The following DNAJC6 variants were observed in gnomAD, a reference collection of about 807,000 sequenced individuals.
The protein encoded by DNAJC6 is auxilin.
DNAJC6 carries 34 observed loss-of-function variants against 110.0 expected under a neutral mutation model. The ratio of observed to expected loss-of-function variants is 0.31; its 90% CI spans 0.24 to 0.41. The LOEUF (loss-of-function observed/expected upper bound fraction) is 0.41, where lower values mean the gene tolerates loss of function less well. DNAJC6 is among the 10% of genes least tolerant of loss of function. DNAJC6 has a pLI of 1.00. For missense variants in DNAJC6, 1,031 were observed against 1,207.8 expected (o/e 0.85, Z 2.17); for synonymous variants, 406 against 437.2 (o/e 0.93, Z 0.89).
chr1:65,343,742 T>TAA (rs61021648), intron 1 of DNAJC6, among the ~76,000 whole-genome samples: 166 of 148,026 alleles, frequency 1.1e-3, no homozygotes, highest in African/African-American at 4.0e-3. Flanking sequence ...CCTGACTTAA[T>TAA]AAAAAAAAAG....
At chr1:65,310,074 A>C in intron 1 of DNAJC6, 136 bp downstream of exon 1, 1 of 1,012,100 alleles carries the variant, frequency 9.9e-7, no homozygotes, top group Non-Finnish European at 1.3e-6. Context: ...AAGGCTTCTA[A>C]TACCACCTGG....
At chr1:65,403,859 G>A (rs536428046) in intron 15 of DNAJC6, among the ~76,000 whole-genome samples, 8 of 152,278 alleles carry the variant, frequency 5.3e-5, no homozygotes, top group South Asian at 2.1e-4. Context: ...CGGGGTCAGC[G>A]TCTGCTTTTT....
At chr1:65,370,850 C>A (rs566540239) in intron 4 of DNAJC6, among the ~76,000 whole-genome samples, 35 of 152,132 alleles carry the variant, frequency 2.3e-4, no homozygotes, top group African/African-American at 7.9e-4. Flanking sequence ...CCTTTTTCTT[C>A]CTGAGCACAC....
At chr1:65,365,856 A>G (rs1416602224) in intron 2 of DNAJC6, 29 bp from the exon 3 acceptor site, 2 of 1,609,186 alleles carry the variant, frequency 1.2e-6, no homozygotes, top group East Asian at 4.5e-5. Context: ...GATCATTTTA[A>G]TGAGTGCCCA....
chr1:65,388,524 A>G (rs1230199769), intron 9 of DNAJC6, 109 bp downstream of exon 9: 1 of 958,624 alleles, frequency 1.0e-6, no homozygotes, highest in African/African-American at 1.6e-5. Context: ...CTGCTGAACT[A>G]CTGAGTGTCA....
upstream of DNAJC6, among the ~76,000 whole-genome samples, chr1:65,306,972 TTCTCTCTCTCTCTC>T (rs144458447): frequency 0.023 from 2,069 of 90,384 alleles, 60 homozygotes; most frequent in African/African-American, 0.058. Flanking sequence ...CTCAATCTGT[TTCTCTCTCTCTCTC>T]TCTCTCTCTC....
intron 1 of DNAJC6, among the ~76,000 whole-genome samples, chr1:65,339,918 T>C (rs1315064195): frequency 6.6e-6 from 1 of 152,226 alleles, no homozygotes; most frequent in Non-Finnish European, 1.5e-5. Flanking sequence ...ATACTTCGAC[T>C]CCTTGTCCAG....
Position 65,365,870 on chromosome 1 carries a change from T to C in DNAJC6, c.345-15T>C, listed in dbSNP as rs1278686295. On this transcript the variant is annotated splice_polypyrimidine_tract_variant and intron_variant, in intron 2 of 18. Coordinates refer to ENST00000371069, the MANE Select transcript of DNAJC6 (RefSeq NM_001256864.2). ...GGATCATTTTAATGAGTGCCCATTT[T>C]TGTCTTGCTTTTAGCTACACAAAGG... 1.2e-6 allele frequency: 2 copies of C among 1,610,800 alleles called. No homozygotes were observed. The highest frequency in any genetic ancestry group is 2.2e-5 in the South Asian group (2 of 90,570).
At chr1:65,344,659 A>C (rs866773629) in intron 1 of DNAJC6, among the ~76,000 whole-genome samples, 1 of 152,192 alleles carries the variant, frequency 6.6e-6, no homozygotes, top group African/African-American at 2.4e-5. Context: ...TCATGCCAAG[A>C]TTGAGGTCAT....
Position 65,389,615 on chromosome 1 carries a change from C to T in DNAJC6, c.1456C>T (p.Leu486Phe), listed in dbSNP as rs78141380. The change falls in exon 11 of 19, where the codon CTC (leucine) becomes TTC (phenylalanine). Residue 486 changes from leucine to phenylalanine, a missense_variant. By Grantham distance (22) the Leu-to-Phe change is conservative. Coordinates refer to ENST00000371069, the MANE Select transcript of DNAJC6 (RefSeq NM_001256864.2). ...HYGQSGFFAS[L>F]CWQDQKSEKS... ...CGGACAAAGTGGTTTCTTTGCCTCT[C>T]TCTGTTGGCAAGGTATTTACAAGTG... 3,288 of 1,614,060 alleles carry T rather than the reference C, an allele frequency of 2.0e-3. 50 individuals carry two copies. In the African/African-American group the frequency reaches 0.04, roughly 19 times the overall value.
At chr1:65,312,768 T>C (rs1645112766) in intron 1 of DNAJC6, among the ~76,000 whole-genome samples, 1 of 152,180 alleles carries the variant, frequency 6.6e-6, no homozygotes, top group Non-Finnish European at 1.5e-5. Context: ...GGATCAAACC[T>C]CTGCATTATT....
intron 7 of DNAJC6, 26 bp from the exon 8 acceptor site, chr1:65,386,786 A>G: frequency 1.3e-6 from 2 of 1,574,610 alleles, no homozygotes; most frequent in Non-Finnish European, 1.7e-6. Context: ...CTCTCTTTCA[A>G]TGTATATTTT....
chr1:65,319,265 G>A lies in DNAJC6; in HGVS notation c.193+9327G>A, dbSNP rs370399273. Among the ~76,000 whole-genome samples, 198 of 152,336 alleles carry A rather than the reference G, an allele frequency of 1.3e-3. 3 individuals carry two copies. Among genetic ancestry groups the A allele is most frequent in the African/African-American group, 4.4e-3 (183 of 41,558 alleles). On this transcript the variant is annotated intron_variant, in intron 1 of 18. Coordinates refer to ENST00000371069, the MANE Select transcript of DNAJC6 (RefSeq NM_001256864.2). The stretch of plus-strand genomic sequence containing the variant: ...TGTGGAAGGGCTGAGAATACTGTTA[G>A]CTTGGCACAAGCTTTCACCAGGCTT...
Position 65,383,704 on chromosome 1 carries a change from A to G in DNAJC6, c.667-489A>G, listed in dbSNP as rs748701794. Reference sequence around the variant, plus strand: ...TCAGCATATGAATTCTGGGGCATACAAACATTCAGTCCACAACAGATTTAT... The same window carrying G: ...TCAGCATATGAATTCTGGGGCATACGAACATTCAGTCCACAACAGATTTAT... On this transcript the variant is annotated intron_variant, in intron 5 of 18. Transcript: ENST00000371069. Among the ~76,000 whole-genome samples the G allele has an allele frequency of 1.3e-5, 2 of 152,206 alleles. 1 individual carries two copies. Among genetic ancestry groups the G allele is most frequent in the Non-Finnish European group, 2.9e-5 (2 of 68,022 alleles).
At chr1:65,371,332 T>C (rs1360029948) in intron 4 of DNAJC6, among the ~76,000 whole-genome samples, 1 of 152,196 alleles carries the variant, frequency 6.6e-6, no homozygotes, top group African/African-American at 2.4e-5. Context: ...GGACTCGTTT[T>C]TCTCCTGTGT....
At chr1:65,363,543 C>A (rs1645617579) in intron 1 of DNAJC6, among the ~76,000 whole-genome samples, 1 of 152,204 alleles carries the variant, frequency 6.6e-6, no homozygotes, top group African/African-American at 2.4e-5. Flanking sequence ...TCCCCTCACA[C>A]ACATAGGCTG....
At position 65,366,041 on chromosome 1, in the gene DNAJC6, C is replaced by T. The variant is rs1400028185; in HGVS notation, c.395-7C>T. The T allele has an allele frequency of 1.2e-6, 2 of 1,613,620 alleles. No homozygotes were observed. The highest frequency in any genetic ancestry group is 2.2e-5 in the East Asian group (1 of 44,890). ...CCTGTTTTCTTTCTGTGTGATCTCT[C>T]TCCTAGTGATGTCCTTTCCTCTGGA... On this transcript the variant is annotated splice_region_variant and splice_polypyrimidine_tract_variant and intron_variant, in intron 3 of 18. Transcript: ENST00000371069.
At chr1:65,328,872 C>T (rs1387032657) in intron 1 of DNAJC6, among the ~76,000 whole-genome samples, 1 of 152,122 alleles carries the variant, frequency 6.6e-6, no homozygotes, top group African/African-American at 2.4e-5. Context: ...CAACCTTTGC[C>T]CCGTAACACC....
intron 1 of DNAJC6, among the ~76,000 whole-genome samples, chr1:65,352,204 T>C (rs1220167563): frequency 6.6e-6 from 1 of 152,252 alleles, no homozygotes; most frequent in Non-Finnish European, 1.5e-5. Flanking sequence ...GGCATAGGGA[T>C]ACATTGCTAA....
Sources: gnomAD v4.1 joint callset for allele counts (sites outside exome capture counted in the v4.1 genomes callset) on GRCh38, gnomAD v4.1.1 for gene constraint, MANE v1.5 for transcripts, NCBI Gene and HGNC (gene_info 2026-07-23, HGNC 2026-07-21) for gene names.